Variants in LMO7 observed in about 807,000 individuals in gnomAD.
LMO7 encodes the protein LIM domain only protein 7.
In LMO7, 120 loss-of-function variants were observed where a neutral mutation model predicts 206.5. The ratio of observed to expected loss-of-function variants is 0.58; its 90% CI spans 0.50 to 0.68. The LOEUF (loss-of-function observed/expected upper bound fraction) is 0.68. Ranked by LOEUF, LMO7 falls within the 30% of genes least tolerant of loss-of-function variation. The pLI is 0.00. For synonymous variants in LMO7, 706 were observed against 681.5 expected, an observed-to-expected ratio of 1.04 and a Z score of -0.56; for missense variants, 1,959 against 1,957.9, an observed-to-expected ratio of 1.00 and a Z score of -0.01.
At chr13:75,806,420 C>T (rs1042334309) in intron 9 of LMO7, 1 of 165,840 alleles carries the variant, frequency 6.0e-6, no homozygotes, top group Non-Finnish European at 1.2e-5. Flanking sequence ...TAACACGCTG[C>T]TTTCTGTGCA....
In LMO7 at chr13:75,654,446, A is replaced by G. The variant is rs572190614; in HGVS notation, c.69+17720A>G. On this transcript the variant is annotated intron_variant, in intron 1 of 30. Coordinates refer to ENST00000377534, the MANE Select transcript of LMO7 (RefSeq NM_001306080.2). ...TGACACGTCCCACTGGTCAAATCCA[A>G]TTGGAAGCCACTGGCCAAATAGCCA... is the stretch of plus-strand genomic sequence containing the variant. Among the ~76,000 whole-genome samples, 6 of 151,986 alleles carry G rather than the reference A, an allele frequency of 3.9e-5. No individual in the cohort carries two copies. In the East Asian group the frequency reaches 1.2e-3, roughly 30 times the overall value.
intron 3 of LMO7, among the ~76,000 whole-genome samples, chr13:75,740,844 G>A (rs1437904467): frequency 6.6e-6 from 1 of 152,156 alleles, no homozygotes; most frequent in Non-Finnish European, 1.5e-5. Flanking sequence ...CTGTAGCAAC[G>A]ATCTGGCACA....
At chr13:75,702,400 C>A (rs1251777580) in intron 1 of LMO7, among the ~76,000 whole-genome samples, 2 of 152,270 alleles carry the variant, frequency 1.3e-5, no homozygotes, top group East Asian at 3.9e-4. Context: ...CACTGTGAGA[C>A]TTTTGGGTTC....
chr13:75,786,636 C>G (rs960670807), intron 4 of LMO7, among the ~76,000 whole-genome samples: 1 of 152,012 alleles, frequency 6.6e-6, no homozygotes, highest in Non-Finnish European at 1.5e-5. Flanking sequence ...CTGCCCGCCT[C>G]GGCCTCCCAA....
intron 1 of LMO7, among the ~76,000 whole-genome samples, chr13:75,663,827 GCTT>G (rs1259929331): frequency 6.6e-6 from 1 of 151,924 alleles, no homozygotes; most frequent in Non-Finnish European, 1.5e-5. Flanking sequence ...CTAAAGTTGG[GCTT>G]CTTTTTTTTA....
chr13:75,633,323 T>C (rs1007441802), upstream of LMO7, among the ~76,000 whole-genome samples: 6 of 152,230 alleles, frequency 3.9e-5, no homozygotes, highest in Non-Finnish European at 8.8e-5. Context: ...GTTGTATTCC[T>C]GAAGCTTGCT....
intron 1 of LMO7, among the ~76,000 whole-genome samples, chr13:75,663,428 CTTTCTTTTT>C (rs1410555540): frequency 1.1e-5 from 1 of 91,842 alleles, no homozygotes; most frequent in African/African-American, 4.2e-5. Context: ...TTCTTTCTTT[CTTTCTTTTT>C]TTTTTTTTTT....
chr13:75,710,796 T>G (rs1003376350), intron 1 of LMO7, among the ~76,000 whole-genome samples: 3 of 146,654 alleles, frequency 2.0e-5, no homozygotes, highest in Admixed American at 1.4e-4. Context: ...TTATTTCCTT[T>G]TCCTGCCTGA....
intron 2 of LMO7, among the ~76,000 whole-genome samples, chr13:75,720,515 T>C (rs1309662644): frequency 6.6e-6 from 1 of 152,182 alleles, no homozygotes. Flanking sequence ...TTGAGAAGGG[T>C]GTAAGGTCTG....
intron 4 of LMO7, among the ~76,000 whole-genome samples, chr13:75,794,463 T>A (rs2053702654): frequency 6.6e-6 from 1 of 152,228 alleles, no homozygotes; most frequent in African/African-American, 2.4e-5. Context: ...ATTCTCTTTT[T>A]ACTTTTTCTC....
intron 2 of LMO7, among the ~76,000 whole-genome samples, chr13:75,626,567 A>AAC (rs1229527246): frequency 2.4e-5 from 2 of 81,822 alleles, no homozygotes; most frequent in African/African-American, 8.9e-5. Context: ...CTACCCTCTT[A>AAC]ACATATATAT....
Position 75,855,253 on chromosome 13 carries a change from C to T in LMO7, c.4662-7C>T. 1.3e-6 allele frequency: 2 copies of T among 1,588,630 alleles called. No individual in the cohort carries two copies. Among genetic ancestry groups the T allele is most frequent in the Non-Finnish European group, 1.7e-6 (2 of 1,157,358 alleles). ...AAGCCTCCATTCCATTCTTGTTCTG[C>T]ATCTAGGTCAGTCAGTGGGAAGCGC... On this transcript the variant is annotated splice_region_variant and splice_polypyrimidine_tract_variant and intron_variant, in intron 28 of 30. Coordinates refer to ENST00000377534, the MANE Select transcript of LMO7 (RefSeq NM_001306080.2).
chr13:75,626,728 T>G (rs2034232609), intron 2 of LMO7: 1 of 150,280 alleles, frequency 6.7e-6, no homozygotes, highest in African/African-American at 2.5e-5. Context: ...TGGACCAGAG[T>G]TGCACGTCAC....
intron 11 of LMO7, among the ~76,000 whole-genome samples, chr13:75,816,060 T>G (rs2056953548): frequency 6.6e-6 from 1 of 152,206 alleles, no homozygotes; most frequent in Non-Finnish European, 1.5e-5. Context: ...AAAGATTTAT[T>G]CAAGAAGCAA....
intron 11 of LMO7, chr13:75,816,951 C>T (rs2057069077): frequency 2.4e-6 from 1 of 416,946 alleles, no homozygotes; most frequent in Non-Finnish European, 4.3e-6. Flanking sequence ...CTAATCTAGC[C>T]ATTTTGTGAA....
At chr13:75,848,431 T>TTATTTATCTATCTATC (rs1555348052) in intron 26 of LMO7, among the ~76,000 whole-genome samples, 3 of 150,520 alleles carry the variant, frequency 2.0e-5, no homozygotes, top group African/African-American at 7.4e-5. Context: ...TTCCATGCGA[T>TTATTTATCTATCTATC]TATCTATCTA....
chr13:75,845,952 G>A (rs145986284), intron 26 of LMO7, among the ~76,000 whole-genome samples: 35 of 152,164 alleles, frequency 2.3e-4, no homozygotes, highest in African/African-American at 5.8e-4. Context: ...ATAAGCAGGC[G>A]GCTGGTCATT....
At chr13:75,843,877 G>A (rs146813912) in intron 25 of LMO7, among the ~76,000 whole-genome samples, 14 of 152,258 alleles carry the variant, frequency 9.2e-5, no homozygotes, top group African/African-American at 3.4e-4. Flanking sequence ...CAGCCGGGAT[G>A]ACTGAATAGG....
chr13:75,689,515 G>A (rs564386820), intron 1 of LMO7, among the ~76,000 whole-genome samples: 12 of 152,346 alleles, frequency 7.9e-5, no homozygotes, highest in African/African-American at 2.9e-4. Context: ...GTCTGTGAGG[G>A]TGGTGCCAAA....
Sources: gnomAD v4.1 joint callset for allele counts (sites outside exome capture counted in the v4.1 genomes callset) on GRCh38, gnomAD v4.1.1 for gene constraint, MANE v1.5 for transcripts, NCBI Gene and HGNC (gene_info 2026-07-23, HGNC 2026-07-21) for gene names.